EGLN1: variants seen among roughly 807,000 people sequenced by gnomAD.
The protein encoded by EGLN1 is egl nine homolog 1.
In EGLN1, 17 loss-of-function variants were observed where a neutral mutation model predicts 38.3. The observed-to-expected ratio is 0.44, with a 90% CI of 0.30 to 0.67. EGLN1 has a LOEUF of 0.67. EGLN1 is among the 30% of genes least tolerant of loss of function. The pLI, the probability that EGLN1 is intolerant of heterozygous loss-of-function variation, is 0.08. For missense variants in EGLN1, 477 were observed against 603.3 expected (o/e 0.79, Z 2.19); for synonymous variants, 283 against 257.5 (o/e 1.10, Z -0.95).
At chr1:231,394,919 A>G (rs1688483238) in intron 1 of EGLN1, among the ~76,000 whole-genome samples, 1 of 152,196 alleles carries the variant, frequency 6.6e-6, no homozygotes, top group Non-Finnish European at 1.5e-5. Context: ...TCTCCTATAT[A>G]AGGCCAATCC....
chr1:231,400,543 T>A (rs1688640680), intron 1 of EGLN1, among the ~76,000 whole-genome samples: 1 of 152,140 alleles, frequency 6.6e-6, no homozygotes, highest in Non-Finnish European at 1.5e-5. Flanking sequence ...TACCATATGT[T>A]ATGATTTACA....
chr1:231,422,005 G>T lies in EGLN1; in HGVS notation c.-117C>A. On this transcript the variant is annotated 5_prime_UTR_variant, in exon 1 of 5. Coordinates refer to ENST00000366641, the MANE Select transcript of EGLN1 (RefSeq NM_022051.3). ...GAGATAGGGGCCGTTACTGCGCCAT[G>T]CACCCGCTACCCTCGCCTCAGGGAG... 1 of 1,128,304 alleles carries T rather than the reference G, an allele frequency of 8.9e-7. No homozygotes were observed. The highest frequency in any genetic ancestry group is 1.1e-6 in the Non-Finnish European group (1 of 875,714). The allele number at this position is 1,128,304 out of a possible 1,614,324, so 69.9% of individuals were successfully genotyped here.
chr1:231,368,729 T>C (rs1375910466), intron 3 of EGLN1, among the ~76,000 whole-genome samples: 1 of 152,046 alleles, frequency 6.6e-6, no homozygotes. Context: ...GCCAGTAATA[T>C]GACAGAATGA....
intron 1 of EGLN1, among the ~76,000 whole-genome samples, chr1:231,385,025 T>A (rs1368271665): frequency 6.6e-6 from 1 of 152,140 alleles, no homozygotes; most frequent in Non-Finnish European, 1.5e-5. Flanking sequence ...TCAGGTGTGG[T>A]ACAACGATCA....
chr1:231,414,587 G>A (rs886755967), intron 1 of EGLN1, among the ~76,000 whole-genome samples: 1 of 152,148 alleles, frequency 6.6e-6, no homozygotes, highest in African/African-American at 2.4e-5. Flanking sequence ...AGAAAATTAG[G>A]TAGGAGAAAA....
chr1:231,365,916 TC>T lies in EGLN1; in HGVS notation c.*494del, dbSNP rs1443537157. On this transcript the variant is annotated 3_prime_UTR_variant, in exon 5 of 5. Coordinates refer to ENST00000366641, the MANE Select transcript of EGLN1 (RefSeq NM_022051.3). The stretch of plus-strand genomic sequence containing the variant: ...ACTGGCAACAATCATTATTAAGAGG[TC>T]TTTTAGGGCAAAATTTAATAGTATG... 1 of 156,194 alleles carries T rather than the reference TC, an allele frequency of 6.4e-6. No homozygotes were observed. Among genetic ancestry groups the T allele is most frequent in the East Asian group, 1.9e-4 (1 of 5,296 alleles). 9.7% of individuals were successfully genotyped at this position (156,194 alleles called of 1,614,324 possible). A position where few individuals can be genotyped will look rare whatever the true frequency, so the allele number is the denominator to read the frequency against.
intron 1 of EGLN1, among the ~76,000 whole-genome samples, chr1:231,418,483 G>A (rs1656419066): frequency 1.3e-5 from 2 of 152,182 alleles, no homozygotes; most frequent in Non-Finnish European, 2.9e-5. Context: ...ACCAGCCAGG[G>A]TTATAGTAAG....
intron 1 of EGLN1, among the ~76,000 whole-genome samples, chr1:231,402,207 C>G (rs1299859853): frequency 6.6e-6 from 1 of 152,010 alleles, no homozygotes; most frequent in Admixed American, 6.6e-5. Context: ...TGATACAAGT[C>G]TTCTGTTGAA....
intron 1 of EGLN1, among the ~76,000 whole-genome samples, chr1:231,404,845 T>C (rs1688748485): frequency 6.6e-6 from 1 of 152,156 alleles, no homozygotes; most frequent in Non-Finnish European, 1.5e-5. Flanking sequence ...TTAATCAAGG[T>C]GTTCCTCAGC....
At chr1:231,405,863 T>TA (rs1210132469) in intron 1 of EGLN1, among the ~76,000 whole-genome samples, 12 of 152,234 alleles carry the variant, frequency 7.9e-5, no homozygotes, top group African/African-American at 2.9e-4. Flanking sequence ...ATTCTGCAGA[T>TA]ACTTTCTACC....
At chr1:231,372,091 A>C (rs1687838621) in intron 2 of EGLN1, among the ~76,000 whole-genome samples, 1 of 152,170 alleles carries the variant, frequency 6.6e-6, no homozygotes, top group Non-Finnish European at 1.5e-5. Flanking sequence ...GGAGTACCAC[A>C]GGTGACCTGC....
At chr1:231,417,069 A>G (rs1466440749) in intron 1 of EGLN1, among the ~76,000 whole-genome samples, 2 of 152,212 alleles carry the variant, frequency 1.3e-5, no homozygotes, top group Admixed American at 6.5e-5. Context: ...GGATGCCAGC[A>G]TGGTCTGGTA....
At position 231,404,697 on chromosome 1, in the gene EGLN1, A is replaced by G. The variant is rs569690356; in HGVS notation, c.891+16301T>C. On this transcript the variant is annotated intron_variant, in intron 1 of 4. Coordinates refer to ENST00000366641, the MANE Select transcript of EGLN1 (RefSeq NM_022051.3). ...TTCTAGCTTACCTGCATCCATCACT[A>G]GTTTTTAAAATTAATTAACATCTAA... is the stretch of plus-strand genomic sequence containing the variant. 4.6e-5 allele frequency among the ~76,000 whole-genome samples: 7 copies of G among 152,272 alleles called. No homozygotes were observed. In the South Asian group the frequency reaches 1.4e-3, roughly 32 times the overall value.
At chr1:231,380,823 G>A (rs1442230382) in intron 1 of EGLN1, among the ~76,000 whole-genome samples, 1 of 152,068 alleles carries the variant, frequency 6.6e-6, no homozygotes, top group Non-Finnish European at 1.5e-5. Flanking sequence ...ATATTTTTAA[G>A]TCAGCATTTT....
chr1:231,421,936 G>A lies in EGLN1; in HGVS notation c.-48C>T. ...GCGACTGCGGCGGCCGAGCAGGAGG[G>A]GTAGCGGCCGGACGGCCTCGCCCGA... On this transcript the variant is annotated 5_prime_UTR_variant, in exon 1 of 5. Transcript: ENST00000366641. This position sits in a 1 kb window ranked among gnomAD's most constrained non-coding sequence, Gnocchi z 5.5. The A allele has an allele frequency of 5.2e-6, 7 of 1,347,490 alleles. No homozygotes were observed. The highest frequency in any genetic ancestry group is 6.6e-6 in the Non-Finnish European group (7 of 1,060,972). 83.5% of individuals were successfully genotyped at this position (1,347,490 alleles called of 1,614,324 possible).
At chr1:231,392,331 A>T (rs1688414538) in intron 1 of EGLN1, among the ~76,000 whole-genome samples, 1 of 152,154 alleles carries the variant, frequency 6.6e-6, no homozygotes, top group African/African-American at 2.4e-5. Flanking sequence ...AGCACAAAAC[A>T]TTTTAAGAGA....
At chr1:231,406,092 G>A (rs943083573) in intron 1 of EGLN1, among the ~76,000 whole-genome samples, 4 of 143,406 alleles carry the variant, frequency 2.8e-5, no homozygotes, top group Non-Finnish European at 6.0e-5. Flanking sequence ...AACCCGGGAG[G>A]CGGAACTTGC....
At chr1:231,371,720 T>C (rs1337508274) in intron 2 of EGLN1, among the ~76,000 whole-genome samples, 2 of 152,182 alleles carry the variant, frequency 1.3e-5, no homozygotes, top group African/African-American at 4.8e-5. Flanking sequence ...GACTTTGTCC[T>C]TGCGGGGTTT....
At chr1:231,413,600 T>C (rs1247745032) in intron 1 of EGLN1, among the ~76,000 whole-genome samples, 1 of 152,158 alleles carries the variant, frequency 6.6e-6, no homozygotes, top group Non-Finnish European at 1.5e-5. Flanking sequence ...TGTACATCTG[T>C]TTATTGACTG....
Sources: allele counts gnomAD v4.1 joint callset (sites outside exome capture counted in the v4.1 genomes callset), GRCh38; gene constraint gnomAD v4.1.1; non-coding constraint Gnocchi (gnomAD v3.1); transcripts MANE v1.5; gene names NCBI Gene and HGNC (gene_info 2026-07-23, HGNC 2026-07-21).